The following HIVEP3 variants were observed in gnomAD, a reference collection of about 807,000 sequenced individuals.
HIVEP3 encodes transcription factor HIVEP3.
HIVEP3 carries 49 observed loss-of-function variants against 152.8 expected under a neutral mutation model. The observed-to-expected ratio is 0.32, with a 90% CI of 0.26 to 0.41. HIVEP3 has a LOEUF of 0.41. Ranked by LOEUF, HIVEP3 falls within the 10% of genes least tolerant of loss-of-function variation. The probability of loss-of-function intolerance (pLI) is 1.00; values close to 1 mark genes in which losing one functional copy is unlikely to be tolerated. For synonymous variants in HIVEP3, 1,269 were observed against 1,289.0 expected (o/e 0.98, Z 0.33); for missense variants, 2,790 against 3,103.3 (o/e 0.90, Z 2.40).
intron 1 of HIVEP3, among the ~76,000 whole-genome samples, chr1:41,743,120 T>G (rs1430242474): frequency 1.4e-5 from 2 of 139,994 alleles, no homozygotes. Context: ...CGGTGGGGTA[T>G]GGGGTATGGG....
At chr1:41,939,987 A>G (rs1286850044) in intron 1 of HIVEP3, among the ~76,000 whole-genome samples, 1 of 151,184 alleles carries the variant, frequency 6.6e-6, no homozygotes, top group African/African-American at 2.4e-5. Context: ...TGATTATTTT[A>G]CTTTAGTCTG....
chr1:41,627,294 G>C (rs555876545), intron 3 of HIVEP3, among the ~76,000 whole-genome samples: 1 of 152,344 alleles, frequency 6.6e-6, no homozygotes, highest in Admixed American at 6.5e-5. Flanking sequence ...TTTTGCAAGT[G>C]AGAAGGATGA....
chr1:41,780,423 G>A (rs1309143759), intron 1 of HIVEP3, among the ~76,000 whole-genome samples: 1 of 152,238 alleles, frequency 6.6e-6, no homozygotes, highest in Non-Finnish European at 1.5e-5. Flanking sequence ...ACCTGAGCCA[G>A]GTGAGTGCTG....
At chr1:41,713,206 G>C (rs1330319122) in intron 1 of HIVEP3, among the ~76,000 whole-genome samples, 2 of 152,072 alleles carry the variant, frequency 1.3e-5, no homozygotes. Context: ...CCCGATCTGC[G>C]CCCCAGCCCA....
At chr1:41,739,308 G>A (rs1184520051) in intron 1 of HIVEP3, among the ~76,000 whole-genome samples, 1 of 152,238 alleles carries the variant, frequency 6.6e-6, no homozygotes, top group Non-Finnish European at 1.5e-5. Flanking sequence ...AGTACTTGGA[G>A]CTGGGGGGCA....
chr1:41,760,519 T>C (rs901061794), intron 1 of HIVEP3, among the ~76,000 whole-genome samples: 2 of 152,238 alleles, frequency 1.3e-5, no homozygotes, highest in Non-Finnish European at 2.9e-5. Flanking sequence ...TGAGTTTGAC[T>C]TGAGTGTAGA....
chr1:41,512,141 C>A (rs1326307178), intron 8 of HIVEP3, among the ~76,000 whole-genome samples: 1 of 151,998 alleles, frequency 6.6e-6, no homozygotes, highest in East Asian at 1.9e-4. Context: ...ACACCCCTTG[C>A]AAGTGATATG....
At chr1:41,987,607 A>G (rs905502303) in intron 1 of HIVEP3, among the ~76,000 whole-genome samples, 14 of 152,204 alleles carry the variant, frequency 9.2e-5, no homozygotes, top group African/African-American at 2.9e-4. Flanking sequence ...GCCTAGAAAT[A>G]AATGCATGCA....
intron 1 of HIVEP3, among the ~76,000 whole-genome samples, chr1:41,714,433 G>A (rs1339722963): frequency 6.6e-6 from 1 of 152,188 alleles, no homozygotes; most frequent in Non-Finnish European, 1.5e-5. Context: ...GGCAGATACT[G>A]TCACCTCTAA....
intron 2 of HIVEP3, among the ~76,000 whole-genome samples, chr1:41,694,825 C>G (rs552767774): frequency 5.9e-5 from 9 of 152,304 alleles, no homozygotes; most frequent in Admixed American, 2.6e-4. Flanking sequence ...GATCACTAGT[C>G]TCATTTTGCA....
chr1:41,563,820 A>T (rs1644120207), intron 5 of HIVEP3, among the ~76,000 whole-genome samples: 1 of 152,310 alleles, frequency 6.6e-6, no homozygotes, highest in Middle Eastern at 3.4e-3. Flanking sequence ...ATAACAACTA[A>T]CGTTAATAGC....
At chr1:41,792,917 G>A (rs1649780970) in intron 1 of HIVEP3, among the ~76,000 whole-genome samples, 1 of 152,226 alleles carries the variant, frequency 6.6e-6, no homozygotes, top group South Asian at 2.1e-4. Flanking sequence ...GATGGAAGCT[G>A]TATCCTTCAA....
intron 1 of HIVEP3, among the ~76,000 whole-genome samples, chr1:41,743,212 C>T (rs1647022506): frequency 6.6e-6 from 1 of 152,080 alleles, no homozygotes; most frequent in Admixed American, 6.5e-5. Context: ...ACAGCCTGCA[C>T]AACAAAAAAC....
At chr1:41,713,926 T>C (rs1646552318) in intron 1 of HIVEP3, among the ~76,000 whole-genome samples, 1 of 152,230 alleles carries the variant, frequency 6.6e-6, no homozygotes, top group Admixed American at 6.5e-5. Context: ...GAAACAATGC[T>C]GCTGGTCAGT....
Position 41,732,733 on chromosome 1 carries a change from C to T in HIVEP3, c.-800-31738G>A, listed in dbSNP as rs115381700. ...TCCCCATCATACAGCACCTGGACCG[C>T]GACGCTCTATCCCCGAGGACAAGGC... On this transcript the variant is annotated intron_variant, in intron 1 of 8. Coordinates refer to ENST00000372583, the MANE Select transcript of HIVEP3 (RefSeq NM_024503.5). Among the ~76,000 whole-genome samples the T allele has an allele frequency of 8.2e-3, 1,253 of 152,254 alleles. 16 individuals carry two copies. Among genetic ancestry groups the T allele is most frequent in the African/African-American group, 0.028 (1,183 of 41,510 alleles).
chr1:41,635,135 C>CA (rs1194329045), intron 2 of HIVEP3, among the ~76,000 whole-genome samples: 1 of 151,856 alleles, frequency 6.6e-6, no homozygotes, highest in Non-Finnish European at 1.5e-5. Flanking sequence ...TAACAAATAG[C>CA]AAAAAATAAA....
Position 41,928,252 on chromosome 1 carries a change from A to C in HIVEP3, n.120-9728T>G, listed in dbSNP as rs185565772. Among the ~76,000 whole-genome samples, 534 of 152,240 alleles carry C rather than the reference A, an allele frequency of 3.5e-3. 1 individual carries two copies. Among genetic ancestry groups the C allele is most frequent in the African/African-American group, 0.012 (504 of 41,540 alleles). On this transcript the variant is annotated intron_variant and non_coding_transcript_variant, in intron 1 of 3. Transcript: ENST00000489103. ...TTACAGGAGTGCCCAGGTGGTATGC[A>C]AAATGTTCTTCCACAAGTCTCACTC... is the stretch of plus-strand genomic sequence containing the variant.
At chr1:41,877,710 A>G (rs1216398292) in intron 1 of HIVEP3, among the ~76,000 whole-genome samples, 1 of 152,150 alleles carries the variant, frequency 6.6e-6, no homozygotes, top group Non-Finnish European at 1.5e-5. Context: ...GGAGACCCAT[A>G]TTAAATAATA....
intron 1 of HIVEP3, among the ~76,000 whole-genome samples, chr1:41,725,892 T>C (rs959647467): frequency 2.0e-5 from 3 of 152,216 alleles, no homozygotes; most frequent in African/African-American, 7.2e-5. Context: ...TTGCTGAATG[T>C]AATATTTTGC....
Sources: allele counts gnomAD v4.1 joint callset (sites outside exome capture counted in the v4.1 genomes callset), GRCh38; gene constraint gnomAD v4.1.1; transcripts MANE v1.5; gene names NCBI Gene and HGNC (gene_info 2026-07-23, HGNC 2026-07-21).